Variants in TENM2 observed in about 807,000 individuals in gnomAD.
The protein encoded by TENM2 is teneurin transmembrane protein 2.
A neutral mutation model predicts 245.2 loss-of-function variants in TENM2; 52 were observed. The observed-to-expected ratio is 0.21, with a 90% CI of 0.17 to 0.27. The LOEUF is 0.27. TENM2 is among the 10% of genes least tolerant of loss of function. The pLI is 1.00. For synonymous variants in TENM2, 1,363 were observed against 1,438.9 expected (o/e 0.95, Z 1.19); for missense variants, 3,046 against 3,666.8 (o/e 0.83, Z 4.37).
intron 6 of TENM2, among the ~76,000 whole-genome samples, chr5:168,055,741 A>G (rs1374313453): frequency 6.6e-6 from 1 of 152,218 alleles, no homozygotes; most frequent in Non-Finnish European, 1.5e-5. Flanking sequence ...CAGACAGGAC[A>G]GAAGGACGTA....
intron 2 of TENM2, among the ~76,000 whole-genome samples, chr5:167,397,785 T>G (rs1762140694): frequency 6.6e-6 from 1 of 152,226 alleles, no homozygotes; most frequent in African/African-American, 2.4e-5. Flanking sequence ...TATCTTTGTT[T>G]GCTTCTCTGA....
intron 2 of TENM2, among the ~76,000 whole-genome samples, chr5:167,852,667 A>G (rs1309481967): frequency 1.3e-5 from 2 of 152,164 alleles, no homozygotes; most frequent in Non-Finnish European, 2.9e-5. Context: ...TCGTGTCTCT[A>G]TGTACTGTAT....
At position 167,874,538 on chromosome 5, in the gene TENM2, A is replaced by G. The variant is rs570859174; in HGVS notation, c.503-1448A>G. 5.3e-5 allele frequency among the ~76,000 whole-genome samples: 8 copies of G among 152,250 alleles called. No homozygotes were observed. In the South Asian group the frequency reaches 1.2e-3, roughly 24 times the overall value. On this transcript the variant is annotated intron_variant, in intron 2 of 28. Coordinates refer to ENST00000518659, the Ensembl canonical transcript of TENM2. ...CATTGCAACACTCACCTTGTCCTCA[A>G]GTTTGCTTTCTCAATGTTCTGTCCT... is the stretch of plus-strand genomic sequence containing the variant.
chr5:167,031,900 G>GT, the TENM2 span, among the ~76,000 whole-genome samples: 3 of 152,136 alleles, frequency 2.0e-5, no homozygotes, highest in African/African-American at 7.2e-5. Flanking sequence ...AATTGCTTTT[G>GT]TTTTTTTACT....
chr5:168,001,371 G>A (rs376068636), intron 5 of TENM2, among the ~76,000 whole-genome samples: 34 of 152,296 alleles, frequency 2.2e-4, no homozygotes, highest in Non-Finnish European at 4.1e-4. Flanking sequence ...CCATCATTTG[G>A]CACTGATATT....
chr5:167,339,508 CATTT>C (rs1319873790), intron 1 of TENM2, among the ~76,000 whole-genome samples: 4 of 151,694 alleles, frequency 2.6e-5, no homozygotes, highest in African/African-American at 9.7e-5. Context: ...CTTTCTCATT[CATTT>C]ATTCTTTTTT....
chr5:168,106,201 C>A (rs1794228070), intron 9 of TENM2, among the ~76,000 whole-genome samples: 1 of 152,176 alleles, frequency 6.6e-6, no homozygotes. Flanking sequence ...AGTCTTCTCT[C>A]TGGGGGTTGG....
At chr5:167,912,552 G>T (rs1341839802) in intron 3 of TENM2, among the ~76,000 whole-genome samples, 1 of 152,196 alleles carries the variant, frequency 6.6e-6, no homozygotes, top group African/African-American at 2.4e-5. Flanking sequence ...GGGAGTGGGA[G>T]GAAGGAGTGG....
chr5:168,092,886 G>A (rs1312938470), intron 8 of TENM2, among the ~76,000 whole-genome samples: 3 of 152,204 alleles, frequency 2.0e-5, no homozygotes, highest in Non-Finnish European at 2.9e-5. Context: ...TGCATTTATA[G>A]AGCATCAACG....
intron 12 of TENM2, among the ~76,000 whole-genome samples, chr5:168,131,160 T>C (rs1754545208): frequency 6.6e-6 from 1 of 152,148 alleles, no homozygotes; most frequent in Non-Finnish European, 1.5e-5. Flanking sequence ...CTTGCAATTA[T>C]CTCCTGAACA....
At chr5:167,965,991 A>G (rs1391014308) in intron 4 of TENM2, among the ~76,000 whole-genome samples, 2 of 152,220 alleles carry the variant, frequency 1.3e-5, no homozygotes, top group African/African-American at 2.4e-5. Flanking sequence ...AAGTCAATGC[A>G]TTACAAGTGG....
At chr5:167,800,705 G>A (rs1454493305) in intron 2 of TENM2, among the ~76,000 whole-genome samples, 1 of 152,128 alleles carries the variant, frequency 6.6e-6, no homozygotes, top group East Asian at 1.9e-4. Flanking sequence ...CTTTGCCAAG[G>A]GCTGCTGTCT....
intron 3 of TENM2, among the ~76,000 whole-genome samples, chr5:167,909,449 G>T (rs1268701912): frequency 6.6e-6 from 1 of 152,146 alleles, no homozygotes; most frequent in Admixed American, 6.5e-5. Flanking sequence ...TTTATTGAAA[G>T]TATTGTTGCA....
At chr5:167,858,800 C>T (rs1171299374) in intron 2 of TENM2, among the ~76,000 whole-genome samples, 3 of 149,710 alleles carry the variant, frequency 2.0e-5, no homozygotes, top group Admixed American at 6.6e-5. Context: ...TCTTTGCCGC[C>T]GCGCCGGCGA....
chr5:168,063,955 C>CTCCT (rs1790278082), intron 7 of TENM2, among the ~76,000 whole-genome samples: 1 of 151,448 alleles, frequency 6.6e-6, no homozygotes, highest in Admixed American at 6.6e-5. Context: ...TCAGTGAGTC[C>CTCCT]TCCATCCATC....
At chr5:167,743,429 A>C (rs116318925) in intron 2 of TENM2, among the ~76,000 whole-genome samples, 2,768 of 152,280 alleles carry the variant, frequency 0.018, 68 homozygotes, top group African/African-American at 0.06. Flanking sequence ...CGTTGCAAAG[A>C]GGCCACGATT....
rs72835010 is a variant in TENM2, at chr5:168,164,141, A to G, written c.2569+1384A>G. Among the ~76,000 whole-genome samples the G allele has an allele frequency of 4.8e-3, 728 of 152,276 alleles. 4 individuals are homozygous for G. The highest frequency in any genetic ancestry group is 8.4e-3 in the Non-Finnish European group (569 of 68,032). On this transcript the variant is annotated intron_variant, in intron 13 of 28. Coordinates refer to ENST00000518659, the Ensembl canonical transcript of TENM2. ...TGCGCTGGCTCTTTCCGCCTTTAAT[A>G]TTTAACCTAACCATTCATTCAGTGC...
chr5:168,055,896 A>G (rs1469109484), intron 6 of TENM2, among the ~76,000 whole-genome samples: 1 of 152,226 alleles, frequency 6.6e-6, no homozygotes, highest in Non-Finnish European at 1.5e-5. Flanking sequence ...GACTAGCTCC[A>G]CTGGGCAACA....
chr5:167,024,424 C>T, the TENM2 span, among the ~76,000 whole-genome samples: 3 of 152,082 alleles, frequency 2.0e-5, no homozygotes, highest in African/African-American at 2.4e-5. Context: ...CAGTTTGCAT[C>T]GCAGTAAGAA....
Sources: gnomAD v4.1 joint callset for allele counts (sites outside exome capture counted in the v4.1 genomes callset) on GRCh38, gnomAD v4.1.1 for gene constraint, MANE v1.5 for transcripts, NCBI Gene and HGNC (gene_info 2026-07-23, HGNC 2026-07-21) for gene names.